Variants in SLC39A11 observed in about 807,000 individuals in gnomAD.
SLC39A11 encodes the protein zinc transporter ZIP11.
In SLC39A11, 33 loss-of-function variants were observed where a neutral mutation model predicts 36.1. The ratio of observed to expected loss-of-function variants is 0.91; its 90% CI spans 0.69 to 1.22. The LOEUF is 1.22. Among genes scored for constraint, SLC39A11 ranks in the 50% most tolerant of loss-of-function variants. The pLI, the probability that SLC39A11 is intolerant of heterozygous loss-of-function variation, is 0.00. For synonymous variants in SLC39A11, 166 were observed against 170.3 expected (o/e 0.97, Z 0.20); for missense variants, 432 against 430.3 (o/e 1.00, Z -0.03).
intron 6 of SLC39A11, among the ~76,000 whole-genome samples, chr17:72,774,830 T>G (rs968902909): frequency 2.6e-5 from 4 of 152,166 alleles, no homozygotes; most frequent in African/African-American, 9.6e-5. Context: ...TGCTTTACTC[T>G]TCTTTCTAAG....
At chr17:72,867,569 A>G (rs1250989827) in intron 5 of SLC39A11, among the ~76,000 whole-genome samples, 1 of 152,166 alleles carries the variant, frequency 6.6e-6, no homozygotes. Flanking sequence ...TTCCAAATTA[A>G]TAAAGCGTAA....
chr17:72,653,100 C>CT (rs199892970), intron 7 of SLC39A11, among the ~76,000 whole-genome samples: 5 of 89,368 alleles, frequency 5.6e-5, no homozygotes, highest in East Asian at 8.3e-4. Context: ...CTGTTGCACG[C>CT]TTTTTTTTTC....
chr17:72,982,819 T>A (rs1180405373), intron 4 of SLC39A11, among the ~76,000 whole-genome samples: 3 of 152,136 alleles, frequency 2.0e-5, no homozygotes, highest in Non-Finnish European at 4.4e-5. Flanking sequence ...AATCAAATGA[T>A]GGCAGCAAGT....
intron 6 of SLC39A11, among the ~76,000 whole-genome samples, chr17:72,776,022 TC>T (rs1247041909): frequency 1.3e-5 from 2 of 152,206 alleles, no homozygotes; most frequent in African/African-American, 4.8e-5. Context: ...ATGTTCCCTC[TC>T]CCTGGATCAG....
At chr17:72,893,784 G>A (rs1013675053) in intron 5 of SLC39A11, among the ~76,000 whole-genome samples, 7 of 152,140 alleles carry the variant, frequency 4.6e-5, no homozygotes, top group African/African-American at 1.7e-4. Flanking sequence ...AGGAAGAAGA[G>A]GGCTAAAGAC....
At chr17:73,089,471 C>T (rs2060853578) in intron 1 of SLC39A11, among the ~76,000 whole-genome samples, 1 of 152,160 alleles carries the variant, frequency 6.6e-6, no homozygotes, top group Admixed American at 6.5e-5. Context: ...TTCCAGCCAT[C>T]AGAACCCGGA....
intron 7 of SLC39A11, among the ~76,000 whole-genome samples, chr17:72,670,093 CATAT>C (rs140309414): frequency 0.017 from 2,523 of 149,672 alleles, 82 homozygotes; most frequent in African/African-American, 0.057. Flanking sequence ...TATATACACA[CATAT>C]ATATACTTGT....
chr17:72,681,633 A>G (rs1191960463), intron 7 of SLC39A11, among the ~76,000 whole-genome samples: 1 of 152,164 alleles, frequency 6.6e-6, no homozygotes, highest in Non-Finnish European at 1.5e-5. Flanking sequence ...CGAGGGGTTG[A>G]ACAACAACCC....
Position 72,723,630 on chromosome 17 carries a change from T to C in SLC39A11, c.671+13020A>G, listed in dbSNP as rs79893587. On this transcript the variant is annotated intron_variant, in intron 7 of 9. Coordinates refer to ENST00000255559, the MANE Select transcript of SLC39A11 (RefSeq NM_139177.4). ...CATTTTTGAGGTGATACATTTACTT[T>C]TCGAATGACTTCCGTTGAATAATGT... Among the ~76,000 whole-genome samples, 1,428 of 152,292 alleles carry C rather than the reference T, an allele frequency of 9.4e-3. 21 individuals are homozygous for C. The highest frequency in any genetic ancestry group is 0.028 in the African/African-American group (1,181 of 41,552).
intron 6 of SLC39A11, among the ~76,000 whole-genome samples, chr17:72,756,345 A>G (rs1373501126): frequency 6.6e-6 from 1 of 152,252 alleles, no homozygotes. Flanking sequence ...CATTTACAGC[A>G]GCACTATTCA....
intron 3 of SLC39A11, among the ~76,000 whole-genome samples, chr17:73,080,524 T>C (rs899705621): frequency 6.6e-5 from 10 of 152,096 alleles, no homozygotes; most frequent in African/African-American, 2.4e-4. Flanking sequence ...CCTGAAACCA[T>C]AAAAATTCTA....
intron 7 of SLC39A11, among the ~76,000 whole-genome samples, chr17:72,700,859 A>G (rs1197427177): frequency 6.6e-6 from 1 of 152,204 alleles, no homozygotes; most frequent in Admixed American, 6.5e-5. Flanking sequence ...CTTATCCACT[A>G]CCATGAGAAC....
chr17:73,011,616 G>A (rs2090520598), intron 4 of SLC39A11, among the ~76,000 whole-genome samples: 2 of 151,124 alleles, frequency 1.3e-5, no homozygotes, highest in African/African-American at 4.9e-5. Flanking sequence ...ATAACAGGGT[G>A]ACTATAGTCA....
At chr17:72,914,052 C>G (rs1047186812) in intron 5 of SLC39A11, among the ~76,000 whole-genome samples, 11 of 150,944 alleles carry the variant, frequency 7.3e-5, no homozygotes. Context: ...TGGTGACTCA[C>G]GCCTGTAATC....
At chr17:72,875,691 G>A (rs2080866877) in intron 5 of SLC39A11, among the ~76,000 whole-genome samples, 1 of 152,154 alleles carries the variant, frequency 6.6e-6, no homozygotes, top group African/African-American at 2.4e-5. Context: ...CTAATTCGGA[G>A]TCATTGTTTC....
intron 4 of SLC39A11, among the ~76,000 whole-genome samples, chr17:73,007,790 G>A (rs923985936): frequency 6.6e-6 from 1 of 152,192 alleles, no homozygotes; most frequent in African/African-American, 2.4e-5. Context: ...TTTTGGACAC[G>A]GAATGACATC....
chr17:72,878,581 C>G (rs1376558990), intron 5 of SLC39A11, among the ~76,000 whole-genome samples: 2 of 152,178 alleles, frequency 1.3e-5, no homozygotes, highest in Non-Finnish European at 1.5e-5. Context: ...AGTGAACAGT[C>G]TCAATATCCC....
chr17:72,922,971 AAAAAAAAAAAAAAAAAAAAC>A (rs1567959506), intron 5 of SLC39A11, among the ~76,000 whole-genome samples: 1 of 147,400 alleles, frequency 6.8e-6, no homozygotes, highest in Non-Finnish European at 1.5e-5. Context: ...AAAAAAAAAA[AAAAAAAAAAAAAAAAAAAAC>A]ACACAGAAAA....
chr17:72,866,174 C>A (rs188001829), intron 5 of SLC39A11, among the ~76,000 whole-genome samples: 1 of 152,186 alleles, frequency 6.6e-6, no homozygotes, highest in East Asian at 1.9e-4. Flanking sequence ...CTCCACCTCC[C>A]GTCAGATCAC....
Sources: gnomAD v4.1 joint callset for allele counts (sites outside exome capture counted in the v4.1 genomes callset) on GRCh38, gnomAD v4.1.1 for gene constraint, MANE v1.5 for transcripts, NCBI Gene and HGNC (gene_info 2026-07-23, HGNC 2026-07-21) for gene names.